Variants in SLC35F4 observed in about 807,000 individuals in gnomAD.
The protein encoded by SLC35F4 is chromosome 14 open reading frame 36.
SLC35F4 carries 24 observed loss-of-function variants against 44.2 expected under a neutral mutation model. The observed-to-expected ratio is 0.54, with a 90% CI of 0.39 to 0.76. SLC35F4 has a LOEUF of 0.76. Ranked by LOEUF, SLC35F4 falls within the 30% of genes least tolerant of loss-of-function variation. The pLI, the probability that SLC35F4 is intolerant of heterozygous loss-of-function variation, is 0.00. For synonymous variants in SLC35F4, 238 were observed against 223.6 expected (o/e 1.06, Z -0.57); for missense variants, 562 against 586.1 (o/e 0.96, Z 0.42).
intron 1 of SLC35F4, among the ~76,000 whole-genome samples, chr14:57,632,011 C>G (rs187635431): frequency 6.6e-6 from 1 of 152,076 alleles, no homozygotes; most frequent in Non-Finnish European, 1.5e-5. Context: ...TTCTGAAATA[C>G]TGTTTGTGGA....
At position 57,589,085 on chromosome 14, in the gene SLC35F4, G is replaced by C. The variant is rs918037034; in HGVS notation, c.587+131C>G. On this transcript the variant is annotated intron_variant, in intron 3 of 7. Transcript: ENST00000556826. Reference sequence around the variant, plus strand: ...AGGACTGATTCTGCTTCTAGTGCTCGTCTCCAACCTTAGATCTTGTTTCTT... The same window carrying C: ...AGGACTGATTCTGCTTCTAGTGCTCCTCTCCAACCTTAGATCTTGTTTCTT... 6 of 960,494 alleles carry C rather than the reference G, an allele frequency of 6.2e-6. No individual in the cohort carries two copies. In the Admixed American group the frequency reaches 1.6e-4, roughly 26 times the overall value. The allele number at this position is 960,494 out of a possible 1,614,324, so 59.5% of individuals were successfully genotyped here.
At chr14:57,979,269 T>A (rs1344695486) in intron 1 of SLC35F4, among the ~76,000 whole-genome samples, 1 of 152,158 alleles carries the variant, frequency 6.6e-6, no homozygotes, top group East Asian at 1.9e-4. Context: ...AACCTGAAGT[T>A]TGCAGATATT....
At chr14:57,971,910 G>A (rs1345778654), downstream of SLC35F4, among the ~76,000 whole-genome samples, 1 of 152,212 alleles carries the variant, frequency 6.6e-6, no homozygotes, top group Non-Finnish European at 1.5e-5. Context: ...TAAGTGCTAA[G>A]AAGAAAACAA....
At chr14:57,569,702 C>G in intron 6 of SLC35F4, 86 bp downstream of exon 6, 1 of 1,355,802 alleles carries the variant, frequency 7.4e-7, no homozygotes, top group East Asian at 2.7e-5. Flanking sequence ...ACAGAGTTAC[C>G]CAAGGAAATA....
At chr14:57,630,819 C>A in intron 1 of SLC35F4, 1 of 615,514 alleles carries the variant, frequency 1.6e-6, no homozygotes, top group Non-Finnish European at 2.2e-6. Flanking sequence ...CTGTACCAGG[C>A]AATGATCATA....
At chr14:57,969,935 C>T (rs1305110725) in intron 1 of SLC35F4, among the ~76,000 whole-genome samples, 3 of 152,138 alleles carry the variant, frequency 2.0e-5, no homozygotes, top group African/African-American at 7.2e-5. Context: ...CCACAAAAGT[C>T]TCACACTAAG....
chr14:57,885,443 T>C (rs772207252), intron 1 of SLC35F4, among the ~76,000 whole-genome samples: 5 of 152,206 alleles, frequency 3.3e-5, no homozygotes, highest in Non-Finnish European at 2.9e-5. Context: ...AGAACTATAA[T>C]ACGTGCAGTT....
chr14:57,872,586 G>A (rs937353740), intron 1 of SLC35F4, among the ~76,000 whole-genome samples: 2 of 152,096 alleles, frequency 1.3e-5, no homozygotes, highest in Non-Finnish European at 2.9e-5. Flanking sequence ...TTCCTTGTTG[G>A]TGCTGAGACA....
intron 1 of SLC35F4, among the ~76,000 whole-genome samples, chr14:57,737,017 G>A (rs1034113822): frequency 1.3e-5 from 2 of 151,988 alleles, no homozygotes; most frequent in Non-Finnish European, 2.9e-5. Flanking sequence ...ATCTCAAGGG[G>A]TCAGATGCTT....
chr14:57,617,850 G>A (rs2140078572), intron 1 of SLC35F4, among the ~76,000 whole-genome samples: 1 of 152,250 alleles, frequency 6.6e-6, no homozygotes, highest in East Asian at 1.9e-4. Flanking sequence ...GCCATTTACA[G>A]GTCGTGATAG....
intron 1 of SLC35F4, among the ~76,000 whole-genome samples, chr14:57,644,836 T>A (rs1176245575): frequency 6.6e-6 from 1 of 152,244 alleles, no homozygotes; most frequent in East Asian, 1.9e-4. Flanking sequence ...GCTTACTACA[T>A]GTGGCTAGCC....
At chr14:57,829,635 C>T (rs989207965) in intron 1 of SLC35F4, among the ~76,000 whole-genome samples, 114 of 152,152 alleles carry the variant, frequency 7.5e-4, no homozygotes, top group African/African-American at 2.5e-3. Context: ...CAACCTGTGT[C>T]ACAATGCCGA....
chr14:57,576,686 G>C (rs528742586), intron 4 of SLC35F4, among the ~76,000 whole-genome samples: 1 of 152,244 alleles, frequency 6.6e-6, no homozygotes, highest in Non-Finnish European at 1.5e-5. Flanking sequence ...GTGTGTGACA[G>C]GGGGAAGGGG....
intron 1 of SLC35F4, among the ~76,000 whole-genome samples, chr14:57,748,490 G>A (rs773960692): frequency 4.6e-5 from 7 of 152,042 alleles, no homozygotes; most frequent in Admixed American, 1.3e-4. Flanking sequence ...GTGGGGGCCA[G>A]GTATTGCTTA....
intron 1 of SLC35F4, among the ~76,000 whole-genome samples, chr14:57,935,370 C>G (rs1889777575): frequency 6.6e-6 from 1 of 152,188 alleles, no homozygotes; most frequent in African/African-American, 2.4e-5. Flanking sequence ...TACAGCACAA[C>G]TAGCTACCCA....
At chr14:57,884,763 T>C (rs989806955) in intron 1 of SLC35F4, among the ~76,000 whole-genome samples, 17 of 152,186 alleles carry the variant, frequency 1.1e-4, no homozygotes, top group Non-Finnish European at 2.1e-4. Flanking sequence ...ATTAGTATGA[T>C]GCTATTATGA....
At chr14:57,616,381 A>G (rs1028514501) in intron 1 of SLC35F4, among the ~76,000 whole-genome samples, 3 of 152,212 alleles carry the variant, frequency 2.0e-5, no homozygotes, top group African/African-American at 2.4e-5. Flanking sequence ...CAAGGTTTAT[A>G]TATTAAACTG....
At chr14:57,916,842 CT>C (rs888070986) in intron 1 of SLC35F4, among the ~76,000 whole-genome samples, 55 of 151,992 alleles carry the variant, frequency 3.6e-4, no homozygotes, top group Admixed American at 2.6e-3. Flanking sequence ...ATTTTAAAAC[CT>C]TTTTTAAATT....
chr14:57,770,377 A>G (rs975470900), intron 1 of SLC35F4, among the ~76,000 whole-genome samples: 31 of 152,186 alleles, frequency 2.0e-4, no homozygotes, highest in African/African-American at 6.5e-4. Context: ...TGTATGTTGT[A>G]GGGGTCGGGG....
Sources: allele counts gnomAD v4.1 joint callset (sites outside exome capture counted in the v4.1 genomes callset), GRCh38; gene constraint gnomAD v4.1.1; transcripts MANE v1.5; gene names NCBI Gene and HGNC (gene_info 2026-07-23, HGNC 2026-07-21).